NIPBL: variants seen among roughly 807,000 people sequenced by gnomAD.
The protein encoded by NIPBL is nipped-B-like protein.
Under a neutral mutation model 321.8 loss-of-function variants are expected in NIPBL, and 19 were observed. That is an observed-to-expected ratio of 0.06 (90% confidence interval 0.04 to 0.09). NIPBL has a LOEUF of 0.09. Ranked by LOEUF, NIPBL falls within the 10% of genes least tolerant of loss-of-function variation. The pLI, the probability that NIPBL is intolerant of heterozygous loss-of-function variation, is 1.00. For synonymous variants in NIPBL, 1,106 were observed against 1,114.1 expected, an observed-to-expected ratio of 0.99 and a Z score of 0.14; for missense variants, 2,210 against 3,327.0, an observed-to-expected ratio of 0.66 and a Z score of 8.26.
chr5:36,962,067 G>A, intron 5 of NIPBL, 56 bp from the exon 6 acceptor site: 3 of 1,593,386 alleles, frequency 1.9e-6, no homozygotes, highest in Non-Finnish European at 2.6e-6. Flanking sequence ...AGATTTCAAG[G>A]AATAGCGTGT....
chr5:36,900,250 CTA>C (rs1006887664), intron 1 of NIPBL, among the ~76,000 whole-genome samples: 1 of 152,124 alleles, frequency 6.6e-6, no homozygotes, highest in African/African-American at 2.4e-5. Context: ...AGTATAAAAA[CTA>C]TGTAGCATTT....
chr5:37,045,703 G>A, intron 37 of NIPBL, 106 bp downstream of exon 37: 1 of 1,199,218 alleles, frequency 8.3e-7, no homozygotes, highest in South Asian at 1.3e-5. Flanking sequence ...AGAGTAGTCT[G>A]GTTTAATGAA....
chr5:37,051,771 A>G lies in NIPBL; in HGVS notation c.6955-8A>G. The G allele has an allele frequency of 2.5e-6, 4 of 1,593,100 alleles. No individual in the cohort carries two copies. The highest frequency in any genetic ancestry group is 3.4e-6 in the Non-Finnish European group (4 of 1,163,268). ...ATGATATCTCGTAATTTTTTTTTTT[A>G]TTTCCAGTGTGTGCCATATTTAATT... On this transcript the variant is annotated splice_polypyrimidine_tract_variant and splice_region_variant and intron_variant, in intron 40 of 46. Coordinates refer to ENST00000282516, the MANE Select transcript of NIPBL (RefSeq NM_133433.4).
intron 38 of NIPBL, among the ~76,000 whole-genome samples, chr5:37,046,671 A>T (rs1189278263): frequency 6.6e-6 from 1 of 152,222 alleles, no homozygotes; most frequent in African/African-American, 2.4e-5. Context: ...AGCAACCCAG[A>T]AGGAACAATT....
intron 1 of NIPBL, among the ~76,000 whole-genome samples, chr5:36,911,623 C>T (rs1748058946): frequency 1.3e-5 from 2 of 152,132 alleles, no homozygotes; most frequent in South Asian, 2.1e-4. Flanking sequence ...ACATGTCTAA[C>T]GCCTCTTGTA....
Position 37,017,023 on chromosome 5 carries a change from A to G in NIPBL, c.4781A>G (p.His1594Arg), listed in dbSNP as rs1271072525. ...LLSLLGRLLV[H>R]QFSNKSTEMA... ...AAAAACTATTTTGATATTTAGGTTCATCAGTTCAGTAACAAGTCAACAGAG... is the reference window on the plus strand; with the variant it reads ...AAAAACTATTTTGATATTTAGGTTCGTCAGTTCAGTAACAAGTCAACAGAG... The change falls in exon 24 of 47, where the codon CAT (histidine) becomes CGT (arginine). Residue 1594 changes from histidine to arginine, a missense_variant. This residue lies in a region of NIPBL where 28 missense variants were observed against 91.3 expected (regional missense o/e 0.31). Coordinates refer to ENST00000282516, the MANE Select transcript of NIPBL (RefSeq NM_133433.4). 3.7e-6 allele frequency: 6 copies of G among 1,601,440 alleles called. No homozygotes were observed. The highest frequency in any genetic ancestry group is 4.3e-6 in the Non-Finnish European group (5 of 1,171,682).
chr5:36,952,066 GCGCGCGCA>G (rs1580315198), intron 1 of NIPBL, among the ~76,000 whole-genome samples: 12 of 140,146 alleles, frequency 8.6e-5, no homozygotes, highest in South Asian at 2.2e-4. Context: ...GCGCGCGCGC[GCGCGCGCA>G]TGTGTGTGTG....
chr5:37,034,886 A>G (rs1175160312), intron 32 of NIPBL, among the ~76,000 whole-genome samples: 1 of 152,250 alleles, frequency 6.6e-6, no homozygotes, highest in Non-Finnish European at 1.5e-5. Flanking sequence ...ACAGTGTGTC[A>G]TGAGTCAAAA....
intron 32 of NIPBL, among the ~76,000 whole-genome samples, chr5:37,028,865 T>C (rs1001990364): frequency 1.6e-4 from 25 of 152,214 alleles, no homozygotes; most frequent in Non-Finnish European, 1.5e-5. Flanking sequence ...CTCTTAAGTC[T>C]CTTATGTTAG....
chr5:36,935,300 C>A (rs1026978745), intron 1 of NIPBL, among the ~76,000 whole-genome samples: 1 of 152,144 alleles, frequency 6.6e-6, no homozygotes, highest in Admixed American at 6.6e-5. Flanking sequence ...TCTTCTTCAT[C>A]AAGGCAATCA....
At chr5:37,057,607 T>C (rs1754242204) in intron 43 of NIPBL, among the ~76,000 whole-genome samples, 1 of 152,194 alleles carries the variant, frequency 6.6e-6, no homozygotes, top group Non-Finnish European at 1.5e-5. Context: ...CTTAAGTGTT[T>C]GCATCCATTC....
intron 21 of NIPBL, among the ~76,000 whole-genome samples, chr5:37,013,250 A>G (rs1397014483): frequency 6.9e-6 from 1 of 145,118 alleles, no homozygotes; most frequent in Non-Finnish European, 1.5e-5. Context: ...GCGGCCGGGC[A>G]GAGGCGCCCC....
At chr5:36,889,045 C>A (rs1746126651) in intron 1 of NIPBL, among the ~76,000 whole-genome samples, 1 of 152,092 alleles carries the variant, frequency 6.6e-6, no homozygotes, top group African/African-American at 2.4e-5. Context: ...ACATAGTAAG[C>A]ACTCAACAAA....
chr5:36,958,513 T>C (rs1741240913), intron 4 of NIPBL, among the ~76,000 whole-genome samples: 1 of 152,182 alleles, frequency 6.6e-6, no homozygotes, highest in South Asian at 2.1e-4. Flanking sequence ...CAGAATTAAT[T>C]TGAAATAAGT....
At chr5:37,010,062 T>A (rs1414354270) in intron 20 of NIPBL, 25 bp from the exon 21 acceptor site, 1 of 1,563,424 alleles carries the variant, frequency 6.4e-7, no homozygotes, top group Non-Finnish European at 8.8e-7. Context: ...TGATACTCCA[T>A]ACAAATTTTT....
In NIPBL at chr5:36,932,363, A is replaced by G. The variant is rs146168207; in HGVS notation, c.-79-21255A>G. ...CGGTTTGTGCTTCATATATGTGGCA[A>G]CTTCGTTGTTAGGTATGAATACATG... On this transcript the variant is annotated intron_variant, in intron 1 of 46. Transcript: ENST00000282516. 1.9e-3 allele frequency among the ~76,000 whole-genome samples: 296 copies of G among 152,228 alleles called. 2 individuals carry two copies. Among genetic ancestry groups the G allele is most frequent in the African/African-American group, 7.0e-3 (291 of 41,554 alleles).
Position 36,969,146 on chromosome 5 carries a change from A to G in NIPBL, c.611-1730A>G, listed in dbSNP as rs182147050. Among the ~76,000 whole-genome samples the G allele has an allele frequency of 3.3e-4, 51 of 152,324 alleles. No homozygotes were observed. The East Asian group carries it at 8.1e-3, about 24-fold the overall frequency. On this transcript the variant is annotated intron_variant, in intron 6 of 46. Transcript: ENST00000282516. The stretch of plus-strand genomic sequence containing the variant: ...TGTGGAGCAAATTACAAAACTTTTG[A>G]AAGAGATAGAAGAAAAGAAAATGAA...
Position 36,906,353 on chromosome 5 carries a change from G to T in NIPBL, c.-80+29175G>T, listed in dbSNP as rs574949832. Among the ~76,000 whole-genome samples, 12 of 152,158 alleles carry T rather than the reference G, an allele frequency of 7.9e-5. No homozygotes were observed. In the South Asian group the frequency reaches 1.9e-3, roughly 24 times the overall value. On this transcript the variant is annotated intron_variant, in intron 1 of 46. Transcript: ENST00000282516. ...ATACGAATAATATTATGATTATTTT[G>T]GGACTCTTTTAACATTAATTTTAAC...
At chr5:37,007,759 C>T (rs1458259444) in intron 18 of NIPBL, among the ~76,000 whole-genome samples, 1 of 151,832 alleles carries the variant, frequency 6.6e-6, no homozygotes, top group African/African-American at 2.4e-5. Context: ...ATTCCTGTGA[C>T]ATTTGTAAAC....
Sources: gnomAD v4.1 joint callset for allele counts (sites outside exome capture counted in the v4.1 genomes callset) on GRCh38, gnomAD v4.1.1 for gene constraint, gnomAD v4.1.1 regional missense constraint, MANE v1.5 for transcripts, NCBI Gene and HGNC (gene_info 2026-07-23, HGNC 2026-07-21) for gene names.